Variants in PARP9 observed in about 807,000 individuals in gnomAD.
The protein encoded by PARP9 is poly(ADP-ribose) polymerase family member 9.
PARP9 carries 48 observed loss-of-function variants against 68.8 expected under a neutral mutation model. The ratio of observed to expected loss-of-function variants is 0.70; its 90% confidence interval spans 0.55 to 0.89. The LOEUF (loss-of-function observed/expected upper bound fraction) is 0.89, where lower values mean the gene tolerates loss of function less well. PARP9 is among the 40% of genes least tolerant of loss of function. PARP9 has a pLI of 0.00. For synonymous variants in PARP9, 309 were observed against 333.8 expected (o/e 0.93, Z 0.81); for missense variants, 806 against 969.3 (o/e 0.83, Z 2.24).
intron 6 of PARP9, among the ~76,000 whole-genome samples, chr3:122,549,849 C>T (rs116326397): frequency 2.0e-5 from 3 of 151,670 alleles, no homozygotes; most frequent in Non-Finnish European, 2.9e-5. Context: ...TTTGAGATGA[C>T]GGTCAGAGAT....
In PARP9 at chr3:122,559,698, G is replaced by C; in HGVS notation, c.-78C>G. The C allele has an allele frequency of 7.2e-7, 1 of 1,391,124 alleles. No individual in the cohort carries two copies. Among genetic ancestry groups the C allele is most frequent in the South Asian group, 1.5e-5 (1 of 64,710 alleles). 86.2% of individuals were successfully genotyped at this position (1,391,124 alleles called of 1,614,324 possible). ...AGCATAGACTGTAGTTTCCAGATAT[G>C]GTGGCCCACTTCTAGGAATGAATTA... On this transcript the variant is annotated 5_prime_UTR_variant, in exon 2 of 11. Transcript: ENST00000682323.
intron 10 of PARP9, chr3:122,533,774 G>C: frequency 1.0e-6 from 1 of 985,426 alleles, no homozygotes; most frequent in Non-Finnish European, 1.2e-6. Context: ...ATTCAGAACT[G>C]GTTGGAATGC....
chr3:122,538,699 C>T (rs1420101703), intron 8 of PARP9, among the ~76,000 whole-genome samples: 1 of 150,824 alleles, frequency 6.6e-6, no homozygotes, highest in Non-Finnish European at 1.5e-5. Context: ...CACACTCTAA[C>T]AAAATAATGC....
intron 8 of PARP9, among the ~76,000 whole-genome samples, chr3:122,539,507 A>ATTTCTTC (rs2077941391): frequency 7.5e-6 from 1 of 133,162 alleles, no homozygotes; most frequent in African/African-American, 2.9e-5. Flanking sequence ...CCAAGATGGC[A>ATTTCTTC]TTTCTTTCTT....
At chr3:122,554,958 C>T (rs1445477239) in intron 4 of PARP9, among the ~76,000 whole-genome samples, 3 of 151,440 alleles carry the variant, frequency 2.0e-5, no homozygotes, top group Non-Finnish European at 2.9e-5. Flanking sequence ...CTCAAGTGAT[C>T]CTCCTGTCTC....
chr3:122,564,319 C>G, upstream of PARP9: 1 of 1,309,658 alleles, frequency 7.6e-7, no homozygotes, highest in Non-Finnish European at 1.0e-6. Context: ...CAGGGAGGGA[C>G]CTCCAGGGAA....
intron 1 of PARP9, among the ~76,000 whole-genome samples, chr3:122,560,234 T>C (rs1214192319): frequency 1.3e-5 from 2 of 152,090 alleles, no homozygotes; most frequent in Non-Finnish European, 2.9e-5. Flanking sequence ...AGTCAGAAAA[T>C]CTGGGAAAAA....
At chr3:122,544,222 T>C (rs1431896504) in intron 7 of PARP9, among the ~76,000 whole-genome samples, 1 of 152,144 alleles carries the variant, frequency 6.6e-6, no homozygotes, top group Non-Finnish European at 1.5e-5. Flanking sequence ...CTTAGAACCA[T>C]CTCATTCATG....
chr3:122,553,479 C>A (rs1244492339), intron 4 of PARP9, among the ~76,000 whole-genome samples: 1 of 152,204 alleles, frequency 6.6e-6, no homozygotes, highest in Non-Finnish European at 1.5e-5. Flanking sequence ...GGGGCACCGA[C>A]ACCCTTTAAA....
intron 10 of PARP9, chr3:122,534,973 GGGTGTCTTA>G (rs776029341): frequency 6.3e-4 from 619 of 982,948 alleles, no homozygotes; most frequent in South Asian, 1.4e-3. Flanking sequence ...GGAGGATAGT[GGGTGTCTTA>G]GATGTTTTAG....
intron 8 of PARP9, among the ~76,000 whole-genome samples, chr3:122,538,688 A>ACACACC (rs2077844187): frequency 6.6e-6 from 1 of 151,864 alleles, no homozygotes. Flanking sequence ...ACACACACAC[A>ACACACC]CACACTCTAA....
rs2079298977 is a variant in PARP9 at position 122,552,609 on chromosome 3, G to A, written c.916C>T (p.His306Tyr). The change falls in exon 5 of 11, where the codon CAT (histidine) becomes TAT (tyrosine). Residue 306 changes from histidine (H) to tyrosine (Y), a missense_variant. By Grantham distance (83) the His-to-Tyr change is moderately conservative (BLOSUM62 2). This residue lies in a region of PARP9 where 680 missense variants were observed against 858.8 expected (regional missense o/e 0.79). Transcript: ENST00000682323. ...GCCACAGGTCCAACTGTAATATCAT[G>A]TGGGTTTACAGAATTAACAATTACA... ...ADVIVNSVNPHDITVGPVAKS... is the reference protein window; with the variant it reads ...ADVIVNSVNPYDITVGPVAKS... 1.9e-6 allele frequency: 3 copies of A among 1,613,236 alleles called. No homozygotes were observed. The highest frequency in any genetic ancestry group is 2.5e-6 in the Non-Finnish European group (3 of 1,179,216).
In PARP9 at chr3:122,528,270, G is replaced by T; in HGVS notation, c.*94C>A. The T allele has an allele frequency of 6.8e-7, 1 of 1,459,902 alleles. No individual in the cohort carries two copies. Among genetic ancestry groups the T allele is most frequent in the Non-Finnish European group, 9.3e-7 (1 of 1,073,128 alleles). 90.4% of individuals were successfully genotyped at this position (1,459,902 alleles called of 1,614,324 possible). On this transcript the variant is annotated 3_prime_UTR_variant, in exon 11 of 11. Coordinates refer to ENST00000682323, the MANE Select transcript of PARP9 (RefSeq NM_001146105.2). ...GTCAGTCCATACAGATAACCCATGGGATATATTCAAGCCACTCTTTGAGCC... is the reference window on the plus strand; with the variant it reads ...GTCAGTCCATACAGATAACCCATGGTATATATTCAAGCCACTCTTTGAGCC...
chr3:122,528,436 G>A lies in PARP9; in HGVS notation c.2388C>T (p.Tyr796=), dbSNP rs1338071358. The A allele has an allele frequency of 1.2e-6, 2 of 1,614,196 alleles. No homozygotes were observed. Among genetic ancestry groups the A allele is most frequent in the South Asian group, 1.1e-5 (1 of 91,088 alleles). The change falls in exon 11 of 11, where the codon TAC becomes TAT. Residue 796 remains tyrosine (Y), a synonymous_variant. Coordinates refer to ENST00000682323, the MANE Select transcript of PARP9 (RefSeq NM_001146105.2). ...CTQEYVQSQD[Y]SSGPMRPFAQ... Reference sequence around the variant, plus strand: ...CAAAGGGTCTCATTGGTCCTGATGAGTAATCTTGTGACTGTACATATTCCT... The same window carrying A: ...CAAAGGGTCTCATTGGTCCTGATGAATAATCTTGTGACTGTACATATTCCT...
At chr3:122,564,460 CT>C, upstream of PARP9, 1 of 1,612,144 alleles carries the variant, frequency 6.2e-7, no homozygotes, top group South Asian at 1.1e-5. Context: ...GTCCCCGCTC[CT>C]CGTGCGGGTG....
At chr3:122,530,266 G>A (rs771090760) in intron 10 of PARP9, among the ~76,000 whole-genome samples, 3 of 151,750 alleles carry the variant, frequency 2.0e-5, no homozygotes, top group Non-Finnish European at 2.9e-5. Context: ...ATACTTCATT[G>A]TTTAGGAAAA....
chr3:122,552,661 G>C, intron 4 of PARP9, 22 bp from the exon 5 acceptor site: 3 of 1,533,390 alleles, frequency 2.0e-6, no homozygotes, highest in African/African-American at 1.4e-5. Flanking sequence ...AGAAAGGGTA[G>C]GATTCATTGT....
intron 9 of PARP9, 43 bp from the exon 10 acceptor site, chr3:122,536,385 C>A: frequency 6.3e-7 from 1 of 1,596,336 alleles, no homozygotes; most frequent in Non-Finnish European, 8.5e-7. Flanking sequence ...GGCTAGAGAA[C>A]CGCTCTTTAA....
At chr3:122,553,433 C>G (rs1034170803) in intron 4 of PARP9, among the ~76,000 whole-genome samples, 2 of 152,158 alleles carry the variant, frequency 1.3e-5, no homozygotes, top group African/African-American at 4.8e-5. Flanking sequence ...TTAATGAATG[C>G]TTCATTTTGA....
Sources: gnomAD v4.1 joint callset for allele counts (sites outside exome capture counted in the v4.1 genomes callset) on GRCh38, gnomAD v4.1.1 for gene constraint, gnomAD v4.1.1 regional missense constraint, MANE v1.5 for transcripts, NCBI Gene and HGNC (gene_info 2026-07-23, HGNC 2026-07-21) for gene names.